Variants in VAV1 observed in about 807,000 individuals in gnomAD.
VAV1 encodes proto-oncogene vav.
VAV1 carries 33 observed loss-of-function variants against 128.1 expected under a neutral mutation model. The observed-to-expected ratio is 0.26, with a 90% confidence interval of 0.20 to 0.34. The LOEUF is 0.34. VAV1 is among the 10% of genes least tolerant of loss of function. The pLI is 1.00. For missense variants in VAV1, 715 were observed against 1,093.7 expected, an observed-to-expected ratio of 0.65 and a Z score of 4.88; for synonymous variants, 394 against 409.8, an observed-to-expected ratio of 0.96 and a Z score of 0.47.
chr19:6,796,728 C>G lies in VAV1; in HGVS notation c.204+23717C>G, dbSNP rs188652089. Among the ~76,000 whole-genome samples, 70 of 152,272 alleles carry G rather than the reference C, an allele frequency of 4.6e-4. 1 individual carries two copies. The highest frequency in any genetic ancestry group is 1.6e-3 in the African/African-American group (68 of 41,536). On this transcript the variant is annotated intron_variant, in intron 1 of 26. Coordinates refer to ENST00000602142, the MANE Select transcript of VAV1 (RefSeq NM_005428.4). Reference sequence around the variant, plus strand: ...ACTTCCCTATTTAAAATTGCACCCCCTCCTGACATTCTCCATTCCTTTTCC... The same window carrying G: ...ACTTCCCTATTTAAAATTGCACCCCGTCCTGACATTCTCCATTCCTTTTCC...
intron 21 of VAV1, among the ~76,000 whole-genome samples, chr19:6,839,563 C>A (rs1020046162): frequency 6.6e-6 from 1 of 152,016 alleles, no homozygotes; most frequent in Non-Finnish European, 1.5e-5. Context: ...CCACCACGCC[C>A]GGCTGGGTAT....
chr19:6,801,903 T>C (rs1971280110), intron 1 of VAV1, among the ~76,000 whole-genome samples: 1 of 152,106 alleles, frequency 6.6e-6, no homozygotes, highest in Non-Finnish European at 1.5e-5. Context: ...ACCTCAGGGT[T>C]CACCGCAGTG....
chr19:6,836,992 A>G lies in VAV1; in HGVS notation c.1922A>G (p.Asn641Ser), dbSNP rs1972240343. ...EAEQNWWEGR[N>S]TSTNEIGWFP... ...TGTCTCCTGGGTGTTTAGGGCAGAAATACATCTACTAATGAAATTGGCTGG... is the reference window on the plus strand; with the variant it reads ...TGTCTCCTGGGTGTTTAGGGCAGAAGTACATCTACTAATGAAATTGGCTGG... Residue 641 changes from asparagine (N) to serine (S), a missense_variant, in exon 21 of 27, where the codon AAT becomes AGT. By Grantham distance (46) the Asn-to-Ser change is conservative. Around this residue, in one of 3 missense-constraint regions of VAV1, gnomAD observed 407 missense variants for 580.6 expected, o/e 0.70. Transcript: ENST00000602142. The G allele has an allele frequency of 1.2e-6, 2 of 1,614,028 alleles. No homozygotes were observed. Among genetic ancestry groups the G allele is most frequent in the African/African-American group, 2.7e-5 (2 of 74,918 alleles).
chr19:6,819,983 A>G (rs73484431), intron 1 of VAV1, among the ~76,000 whole-genome samples: 6,900 of 152,266 alleles, frequency 0.045, 216 homozygotes, highest in African/African-American at 0.08. Flanking sequence ...AATCTAAAGT[A>G]ACTTAAACAA....
At chr19:6,797,851 C>G (rs1299542965) in intron 1 of VAV1, among the ~76,000 whole-genome samples, 1 of 151,878 alleles carries the variant, frequency 6.6e-6, no homozygotes, top group Non-Finnish European at 1.5e-5. Flanking sequence ...ACCCCATCCT[C>G]CCCCACCCAC....
At chr19:6,831,335 C>T (rs535577352) in intron 14 of VAV1, among the ~76,000 whole-genome samples, 11 of 151,994 alleles carry the variant, frequency 7.2e-5, no homozygotes, top group African/African-American at 2.2e-4. Flanking sequence ...TTTTTTGAGA[C>T]GGAGCCTCGC....
chr19:6,832,346 G>GGGCCTGT, intron 15 of VAV1, 146 bp downstream of exon 15: 2 of 740,132 alleles, frequency 2.7e-6, no homozygotes, highest in Non-Finnish European at 4.4e-6. Context: ...AGAGGGACAG[G>GGGCCTGT]CCCAAGGCTG....
At chr19:6,809,029 C>T (rs1246623523) in intron 1 of VAV1, among the ~76,000 whole-genome samples, 1 of 151,646 alleles carries the variant, frequency 6.6e-6, no homozygotes, top group Non-Finnish European at 1.5e-5. Context: ...TAAAGCGAGC[C>T]ACAAGACCAA....
intron 22 of VAV1, among the ~76,000 whole-genome samples, chr19:6,845,210 G>A (rs1208772519): frequency 1.3e-5 from 2 of 151,920 alleles, no homozygotes; most frequent in Non-Finnish European, 2.9e-5. Flanking sequence ...GTGAAACCCT[G>A]TCTCTACTAA....
chr19:6,823,037 T>C (rs530070134), intron 6 of VAV1, among the ~76,000 whole-genome samples: 36 of 148,290 alleles, frequency 2.4e-4, no homozygotes, highest in Middle Eastern at 3.6e-3. Context: ...TATAGATATA[T>C]ATTTTTAATA....
At chr19:6,780,090 G>A (rs1444535693) in intron 1 of VAV1, among the ~76,000 whole-genome samples, 3 of 143,842 alleles carry the variant, frequency 2.1e-5, no homozygotes, top group South Asian at 2.3e-4. Context: ...CAGCCTGGGC[G>A]ACAGAGCAAG....
At chr19:6,814,231 T>C (rs1260406812) in intron 1 of VAV1, among the ~76,000 whole-genome samples, 2 of 152,212 alleles carry the variant, frequency 1.3e-5, no homozygotes. Flanking sequence ...CTGATTTCCC[T>C]ATGTGAAAAG....
At position 6,829,009 on chromosome 19, in the gene VAV1, C is replaced by A; in HGVS notation, c.1265+109C>A. 3.0e-6 allele frequency: 4 copies of A among 1,321,640 alleles called. No homozygotes were observed. The South Asian group carries it at 3.7e-5, about 12-fold the overall frequency. 81.9% of individuals were successfully genotyped at this position (1,321,640 alleles called of 1,614,324 possible). On this transcript the variant is annotated intron_variant, in intron 13 of 26. Coordinates refer to ENST00000602142, the MANE Select transcript of VAV1 (RefSeq NM_005428.4). ...AACACAGATCTGGGTGGAGCCTGGG[C>A]AGGGGCGGGGCCGGGCTTCTAGATG...
chr19:6,837,119 C>T lies in VAV1; in HGVS notation c.1980+69C>T. 4 of 1,518,676 alleles carry T rather than the reference C, an allele frequency of 2.6e-6. No individual in the cohort carries two copies. The South Asian group carries it at 4.5e-5, about 17-fold the overall frequency. 94.1% of individuals were successfully genotyped at this position (1,518,676 alleles called of 1,614,324 possible). ...GGCGGGTCCTGGGAGGATGGACAGACTTGGAAAGACACCCCCGGAGTTGGG... is the reference window on the plus strand; with the variant it reads ...GGCGGGTCCTGGGAGGATGGACAGATTTGGAAAGACACCCCCGGAGTTGGG... On this transcript the variant is annotated intron_variant, in intron 21 of 26. Transcript: ENST00000602142.
chr19:6,799,717 T>G (rs955341795), intron 1 of VAV1, among the ~76,000 whole-genome samples: 2 of 151,862 alleles, frequency 1.3e-5, no homozygotes, highest in Non-Finnish European at 2.9e-5. Flanking sequence ...TGGTGGCACA[T>G]GCCTGTAGTC....
At chr19:6,821,971 TG>T in intron 4 of VAV1, 112 bp downstream of exon 4, 1 of 1,430,766 alleles carries the variant, frequency 7.0e-7, no homozygotes, top group Non-Finnish European at 9.8e-7. Context: ...CCCTGGTGTC[TG>T]GGGCACACAA....
chr19:6,831,087 T>TA (rs997753604), intron 14 of VAV1, among the ~76,000 whole-genome samples: 3 of 152,016 alleles, frequency 2.0e-5, no homozygotes, highest in Admixed American at 1.3e-4. Context: ...CTGTCTCTAT[T>TA]AAAAAATAAA....
At chr19:6,795,656 G>A (rs918769705) in intron 1 of VAV1, among the ~76,000 whole-genome samples, 1 of 151,802 alleles carries the variant, frequency 6.6e-6, no homozygotes, top group South Asian at 2.1e-4. Context: ...CTGGTTTTGG[G>A]GTTTAGTCCA....
chr19:6,832,037 G>T lies in VAV1; in HGVS notation c.1399-54G>T, dbSNP rs1972069738. On this transcript the variant is annotated intron_variant, in intron 14 of 26. Transcript: ENST00000602142. Reference sequence around the variant, plus strand: ...CAGAGGGAGGGGTGGGTGGGTGTGTGCTCCCACCCTCTGCGGGGGCAGTGC... The same window carrying T: ...CAGAGGGAGGGGTGGGTGGGTGTGTTCTCCCACCCTCTGCGGGGGCAGTGC... 2.0e-6 allele frequency: 3 copies of T among 1,526,238 alleles called. No individual in the cohort carries two copies. In the East Asian group the frequency reaches 6.8e-5, roughly 34 times the overall value. The allele number at this position is 1,526,238 out of a possible 1,614,324, so 94.5% of individuals were successfully genotyped here.
Sources: gnomAD v4.1 joint callset for allele counts (sites outside exome capture counted in the v4.1 genomes callset) on GRCh38, gnomAD v4.1.1 for gene constraint, gnomAD v4.1.1 regional missense constraint, MANE v1.5 for transcripts, NCBI Gene and HGNC (gene_info 2026-07-23, HGNC 2026-07-21) for gene names.